The following MAPKBP1 variants were observed in gnomAD, a reference collection of about 807,000 sequenced individuals.
MAPKBP1 encodes mitogen-activated protein kinase-binding protein 1.
Under a neutral mutation model 170.5 loss-of-function variants are expected in MAPKBP1, and 71 were observed. The observed-to-expected ratio is 0.42, with a 90% CI of 0.34 to 0.51. MAPKBP1 has a LOEUF of 0.51. Among genes scored for constraint, MAPKBP1 ranks in the 20% least tolerant of loss-of-function variants. MAPKBP1 has a pLI of 0.06. For missense variants in MAPKBP1, 1,598 were observed against 1,933.0 expected, an observed-to-expected ratio of 0.83 and a Z score of 3.25; for synonymous variants, 719 against 757.9, an observed-to-expected ratio of 0.95 and a Z score of 0.84.
In MAPKBP1 at chr15:41,818,540, T is replaced by G; in HGVS notation, c.2114T>G (p.Phe705Cys). ...ACAGAGATTGTCACTGGCATGAAAT[T>G]TAGTAATGATTGTAAACATCTCATC... is the stretch of plus-strand genomic sequence containing the variant. ...GHSEIVTGMK[F>C]SNDCKHLISV... Residue 705 changes from phenylalanine (F) to cysteine (C), a missense_variant, in exon 19 of 31, where the codon TTT (phenylalanine) becomes TGT (cysteine). By Grantham distance (205) the Phe-to-Cys change is radical (BLOSUM62 -2). This residue lies in a region of MAPKBP1 where 63 missense variants were observed against 115.2 expected (regional missense o/e 0.55). Transcript: ENST00000457542. The surrounding 1 kb of genome is among the most constrained non-coding windows in gnomAD (Gnocchi z 5.2). 1 of 1,613,356 alleles carries G rather than the reference T, an allele frequency of 6.2e-7. No homozygotes were observed. The highest frequency in any genetic ancestry group is 8.5e-7 in the Non-Finnish European group (1 of 1,179,680).
Position 41,791,994 on chromosome 15 carries a change from G to A in MAPKBP1, c.115-7829G>A, listed in dbSNP as rs2064404354. ...CACTTGAACCCGGGAGGTGGAGGTT[G>A]CTGTCAGCCGAGATCGTGCCATTGC... On this transcript the variant is annotated intron_variant, in intron 2 of 30. Coordinates refer to ENST00000457542, the MANE Select transcript of MAPKBP1 (RefSeq NM_014994.3). Among the ~76,000 whole-genome samples the A allele has an allele frequency of 2.6e-5, 4 of 151,192 alleles. No homozygotes were observed. In the South Asian group the frequency reaches 8.4e-4, roughly 32 times the overall value.
chr15:41,822,483 C>T (rs1054472594), intron 26 of MAPKBP1, 61 bp downstream of exon 26: 10 of 1,599,900 alleles, frequency 6.3e-6, no homozygotes, highest in Non-Finnish European at 6.8e-6. Flanking sequence ...CCTTGCCTAC[C>T]TGAGAGGAGG....
chr15:41,815,809 G>A lies in MAPKBP1; in HGVS notation c.1493+10G>A. The A allele has an allele frequency of 1.9e-6, 3 of 1,609,132 alleles. No individual in the cohort carries two copies. The highest frequency in any genetic ancestry group is 2.6e-6 in the Non-Finnish European group (3 of 1,175,856). ...GTATGGGCACACTTAGGTAATGCCA[G>A]GCCCTGGGTGGGTACTGACTGCCTC... On this transcript the variant is annotated intron_variant, in intron 12 of 30. Transcript: ENST00000457542.
In MAPKBP1 at chr15:41,825,469, T is replaced by C; in HGVS notation, c.*33T>C. ...AAGCCTGTCCCAAGTGAATGAATGCTCCAGCGATTCCAAACTGCAGCCCCT... is the reference window on the plus strand; with the variant it reads ...AAGCCTGTCCCAAGTGAATGAATGCCCCAGCGATTCCAAACTGCAGCCCCT... On this transcript the variant is annotated 3_prime_UTR_variant, in exon 31 of 31. Transcript: ENST00000457542. 6.5e-7 allele frequency: 1 copy of C among 1,532,068 alleles called. No individual in the cohort carries two copies. The allele number at this position is 1,532,068 out of a possible 1,614,324, so 94.9% of individuals were successfully genotyped here. A position where few individuals can be genotyped will look rare whatever the true frequency, so the allele number is the denominator to read the frequency against.
chr15:41,816,495 A>AG, intron 12 of MAPKBP1, 64 bp from the exon 13 acceptor site: 2 of 1,076,816 alleles, frequency 1.9e-6, no homozygotes, highest in South Asian at 1.3e-5. Flanking sequence ...GTAGCAGAGG[A>AG]GGGGGCGTGA....
At chr15:41,811,904 T>A in intron 5 of MAPKBP1, 53 bp from the exon 6 acceptor site, 5 of 1,594,708 alleles carry the variant, frequency 3.1e-6, no homozygotes, top group Non-Finnish European at 3.4e-6. Context: ...GAAGTGGGGC[T>A]GTATGCCTGT....
In MAPKBP1 at chr15:41,823,552, C is replaced by T. The variant is rs148608964; in HGVS notation, c.3704C>T (p.Pro1235Leu). 530 of 1,614,176 alleles carry T rather than the reference C, an allele frequency of 3.3e-4. 5 individuals carry two copies. In the East Asian group the frequency reaches 0.01, roughly 32 times the overall value. The stretch of plus-strand genomic sequence containing the variant: ...TCCCTGCCCCCAGCTGATGGCCGTC[C>T]GTCTCGGCCTCACTCCTATCAGAAC... ...LGSLPPADGR[P>L]SRPHSYQNPT... The change falls in exon 29 of 31, where the codon CCG becomes CTG. Residue 1235 changes from proline (P) to leucine (L), a missense_variant. By Grantham distance (98) the Pro-to-Leu change is moderately conservative. Coordinates refer to ENST00000457542, the MANE Select transcript of MAPKBP1 (RefSeq NM_014994.3).
At chr15:41,815,461 C>T in intron 11 of MAPKBP1, 56 bp downstream of exon 11, 1 of 1,598,416 alleles carries the variant, frequency 6.3e-7, no homozygotes, top group Non-Finnish European at 8.5e-7. Flanking sequence ...ATCCCCACAG[C>T]TATTGCACCT....
rs187940393 is a variant in MAPKBP1 at position 41,780,378 on chromosome 15, T to A, written c.114+4989T>A. The stretch of plus-strand genomic sequence containing the variant: ...TCTGAAGTTGGGCTTGATGCTGTTA[T>A]CACTGACCCTTTGTTTGGAGAAAAC... On this transcript the variant is annotated intron_variant, in intron 2 of 30. Coordinates refer to ENST00000457542, the MANE Select transcript of MAPKBP1 (RefSeq NM_014994.3). 2.6e-5 allele frequency among the ~76,000 whole-genome samples: 4 copies of A among 152,348 alleles called. No individual in the cohort carries two copies. The East Asian group carries it at 7.7e-4, about 29-fold the overall frequency.
chr15:41,776,691 A>G (rs1437555756), intron 2 of MAPKBP1, among the ~76,000 whole-genome samples: 2 of 152,206 alleles, frequency 1.3e-5, no homozygotes, highest in African/African-American at 4.8e-5. Flanking sequence ...ATCTTCTCCA[A>G]TCTTTGGCCT....
At position 41,825,618 on chromosome 15, in the gene MAPKBP1, C is replaced by T; in HGVS notation, c.*182C>T. 3.7e-6 allele frequency: 2 copies of T among 543,182 alleles called. No individual in the cohort carries two copies. The highest frequency in any genetic ancestry group is 5.0e-5 in the South Asian group (2 of 40,050). 33.6% of individuals were successfully genotyped at this position (543,182 alleles called of 1,614,324 possible). On this transcript the variant is annotated 3_prime_UTR_variant, in exon 31 of 31. Coordinates refer to ENST00000457542, the MANE Select transcript of MAPKBP1 (RefSeq NM_014994.3). ...TGTATTTATTAATTTATTTCCCTGA[C>T]TGTTGCCTCACTTCCTTGGAACTCC... is the stretch of plus-strand genomic sequence containing the variant.
intron 3 of MAPKBP1, among the ~76,000 whole-genome samples, chr15:41,809,320 G>A (rs989996451): frequency 7.9e-5 from 12 of 152,136 alleles, no homozygotes; most frequent in Non-Finnish European, 1.6e-4. Flanking sequence ...AGAAAATGAT[G>A]TGACTCAGGA....
intron 9 of MAPKBP1, among the ~76,000 whole-genome samples, chr15:41,814,049 C>G (rs1447152293): frequency 6.6e-6 from 1 of 152,138 alleles, no homozygotes; most frequent in Non-Finnish European, 1.5e-5. Context: ...AGGAATCGTT[C>G]AAGGGATTGA....
chr15:41,812,352 C>T (rs1237429356), intron 6 of MAPKBP1, among the ~76,000 whole-genome samples, 164 bp from the exon 7 acceptor site: 1 of 152,234 alleles, frequency 6.6e-6, no homozygotes, highest in Non-Finnish European at 1.5e-5. Flanking sequence ...CTTTTCAGCT[C>T]CTCTAGAAAG....
At chr15:41,795,769 G>A (rs2064477611) in intron 2 of MAPKBP1, among the ~76,000 whole-genome samples, 1 of 152,208 alleles carries the variant, frequency 6.6e-6, no homozygotes, top group East Asian at 1.9e-4. Flanking sequence ...GTCACGCCCG[G>A]CTAATTTTTT....
At chr15:41,821,481 C>T in intron 23 of MAPKBP1, 103 bp from the exon 24 acceptor site, 5 of 1,094,848 alleles carry the variant, frequency 4.6e-6, no homozygotes, top group South Asian at 2.8e-5. Flanking sequence ...CACCTCTTCT[C>T]CAAGGGGAGG....
rs761812970 is a variant in MAPKBP1 at position 41,823,505 on chromosome 15, C to A, written c.3657C>A (p.Ile1219=). The A allele has an allele frequency of 6.2e-7, 1 of 1,613,964 alleles. No individual in the cohort carries two copies. The part of the protein sequence containing the change: ...PSPGALLSRE[I]EAQDGLGSLP... ...CAGGCGCACTGCTGTCTCGGGAGAT[C>A]GAAGCTCAGGATGGTCTGGGCTCCC... The change falls in exon 29 of 31, where the codon ATC becomes ATA. Residue 1219 remains isoleucine (I), a synonymous_variant. Transcript: ENST00000457542.
chr15:41,813,270 G>A, intron 8 of MAPKBP1, 169 bp downstream of exon 8: 1 of 1,517,252 alleles, frequency 6.6e-7, no homozygotes, highest in Admixed American at 1.7e-5. Flanking sequence ...TTGGTGATCT[G>A]TATAACTGCC....
At chr15:41,776,129 G>A (rs758567121) in intron 2 of MAPKBP1, among the ~76,000 whole-genome samples, 3 of 152,196 alleles carry the variant, frequency 2.0e-5, no homozygotes, top group Admixed American at 2.0e-4. Flanking sequence ...ACAACTTTGG[G>A]AATCCAGAAG....
Sources: gnomAD v4.1 joint callset for allele counts (sites outside exome capture counted in the v4.1 genomes callset) on GRCh38, gnomAD v4.1.1 for gene constraint, gnomAD v4.1.1 regional missense constraint, Gnocchi (gnomAD v3.1) non-coding constraint, MANE v1.5 for transcripts, NCBI Gene and HGNC (gene_info 2026-07-23, HGNC 2026-07-21) for gene names.